ARAP2: variants seen among roughly 807,000 people sequenced by gnomAD.
The protein encoded by ARAP2 is ArfGAP with RhoGAP domain, ankyrin repeat and PH domain 2.
A neutral mutation model predicts 194.5 loss-of-function variants in ARAP2; 148 were observed. That is an observed-to-expected ratio of 0.76 (90% CI 0.67 to 0.87). The LOEUF is 0.87. ARAP2 is among the 40% of genes least tolerant of loss of function. The pLI, the probability that ARAP2 is intolerant of heterozygous loss-of-function variation, is 0.00. For synonymous variants in ARAP2, 695 were observed against 683.5 expected (o/e 1.02, Z -0.26); for missense variants, 2,128 against 1,989.7 (o/e 1.07, Z -1.32).
At chr4:36,219,113 C>T (rs1394085702) in intron 2 of ARAP2, among the ~76,000 whole-genome samples, 1 of 152,180 alleles carries the variant, frequency 6.6e-6, no homozygotes, top group African/African-American at 2.4e-5. Flanking sequence ...TGCACATACA[C>T]TGTTGATGGT....
intron 6 of ARAP2, among the ~76,000 whole-genome samples, chr4:36,204,664 G>C (rs944156912): frequency 6.6e-6 from 1 of 152,092 alleles, no homozygotes; most frequent in African/African-American, 2.4e-5. Context: ...TGTTGAGGAA[G>C]AATTTTCAGA....
At chr4:36,189,475 C>G (rs1424694262) in intron 7 of ARAP2, among the ~76,000 whole-genome samples, 1 of 152,162 alleles carries the variant, frequency 6.6e-6, no homozygotes, top group Non-Finnish European at 1.5e-5. Context: ...CTACAGTCAT[C>G]CTACAGTGCT....
chr4:36,243,065 G>C (rs1284838613), intron 1 of ARAP2, among the ~76,000 whole-genome samples: 1 of 151,096 alleles, frequency 6.6e-6, no homozygotes, highest in East Asian at 1.9e-4. Flanking sequence ...TATTTCTCCT[G>C]TAAGTGTATG....
At chr4:36,238,656 C>T (rs1176189046) in intron 1 of ARAP2, among the ~76,000 whole-genome samples, 1 of 152,164 alleles carries the variant, frequency 6.6e-6, no homozygotes, top group Non-Finnish European at 1.5e-5. Flanking sequence ...TGTCCATGTA[C>T]GTGGCTAAAC....
intron 1 of ARAP2, among the ~76,000 whole-genome samples, chr4:36,231,206 C>G (rs1408929310): frequency 6.6e-6 from 1 of 152,002 alleles, no homozygotes; most frequent in African/African-American, 2.4e-5. Flanking sequence ...TGTGAGGGTG[C>G]GTGCCTGTAA....
At chr4:36,043,218 T>C (rs982141198) in intron 5 of ARAP2, among the ~76,000 whole-genome samples, 5 of 152,194 alleles carry the variant, frequency 3.3e-5, no homozygotes, top group African/African-American at 1.2e-4. Context: ...ATCATACCCA[T>C]GGTTAAGTAG....
At chr4:36,176,439 CAG>C (rs1312587189) in intron 9 of ARAP2, among the ~76,000 whole-genome samples, 1 of 152,086 alleles carries the variant, frequency 6.6e-6, no homozygotes, top group African/African-American at 2.4e-5. Context: ...TAGAGAATAA[CAG>C]AAACTCAGAC....
Position 36,068,085 on chromosome 4 carries a change from C to A in ARAP2, c.4937G>T (p.Gly1646Val), listed in dbSNP as rs759514696. ...TAGGCCTTTATGGCCTTTTGGTTGCCCAAGTGGGGCTTCAGGCTCTGTGTC... is the reference window on the plus strand; with the variant it reads ...TAGGCCTTTATGGCCTTTTGGTTGCACAAGTGGGGCTTCAGGCTCTGTGTC... ...LEDTEPEAPL[G>V]QPKGHKGLKT... is the part of the protein sequence containing the mutation. The change falls in exon 33 of 33, where the codon GGG becomes GTG. Residue 1646 changes from glycine to valine, a missense_variant. Transcript: ENST00000303965. The A allele has an allele frequency of 4.3e-6, 7 of 1,613,950 alleles. No individual in the cohort carries two copies. Among genetic ancestry groups the A allele is most frequent in the Non-Finnish European group, 5.1e-6 (6 of 1,179,982 alleles).
chr4:36,014,253 G>GAAAGAAAGAAAGAAAGAAAGAAAGA (rs1715167547), intron 8 of ARAP2, among the ~76,000 whole-genome samples: 1 of 130,892 alleles, frequency 7.6e-6, no homozygotes, highest in African/African-American at 3.0e-5. Flanking sequence ...AAGAAAGAAA[G>GAAAGAAAGAAAGAAAGAAAGAAAGA]AAAGAAAGAA....
rs112992792 is a variant in ARAP2 at position 36,199,323 on chromosome 4, A to G, written c.1488-5676T>C. On this transcript the variant is annotated intron_variant, in intron 6 of 32. Transcript: ENST00000303965. ...AAAATTTTTTTTGAGGTGGAGTCTC[A>G]CTCTGTCACCCAAGCGGGAGTGCAG... is the stretch of plus-strand genomic sequence containing the variant. 6.9e-3 allele frequency among the ~76,000 whole-genome samples: 1,056 copies of G among 152,258 alleles called. 16 individuals carry two copies. The highest frequency in any genetic ancestry group is 0.024 in the African/African-American group (1,004 of 41,548).
At chr4:36,070,334 T>C (rs182971016) in intron 32 of ARAP2, among the ~76,000 whole-genome samples, 26 of 152,276 alleles carry the variant, frequency 1.7e-4, no homozygotes, top group Admixed American at 5.2e-4. Flanking sequence ...AAGAAAGTCA[T>C]AGTTTATACA....
At chr4:36,223,010 T>C (rs1288731717) in intron 2 of ARAP2, among the ~76,000 whole-genome samples, 2 of 151,984 alleles carry the variant, frequency 1.3e-5, no homozygotes, top group African/African-American at 4.8e-5. Context: ...TTCCCCTCAG[T>C]GCTTTGGACC....
chr4:36,104,450 A>G (rs1717840979), intron 27 of ARAP2, among the ~76,000 whole-genome samples: 1 of 151,952 alleles, frequency 6.6e-6, no homozygotes, highest in South Asian at 2.1e-4. Flanking sequence ...ATAACTCTGG[A>G]GTAGGTAGTC....
intron 6 of ARAP2, among the ~76,000 whole-genome samples, chr4:36,195,117 C>T (rs116551374): frequency 2.6e-5 from 4 of 152,046 alleles, no homozygotes; most frequent in Non-Finnish European, 4.4e-5. Context: ...CAGTGAGTTA[C>T]GACTGCACCA....
intron 9 of ARAP2, among the ~76,000 whole-genome samples, chr4:36,169,439 A>G (rs1736050114): frequency 6.6e-6 from 1 of 152,180 alleles, no homozygotes; most frequent in Non-Finnish European, 1.5e-5. Flanking sequence ...AGAAAGTCAT[A>G]AAATGTCCAC....
chr4:36,112,111 A>G (rs1720142559), intron 26 of ARAP2, among the ~76,000 whole-genome samples: 1 of 151,966 alleles, frequency 6.6e-6, no homozygotes, highest in African/African-American at 2.4e-5. Flanking sequence ...CATCTATACC[A>G]GGAACCACAA....
downstream of ARAP2, among the ~76,000 whole-genome samples, chr4:36,062,297 T>C (rs1253128244): frequency 6.6e-6 from 1 of 152,180 alleles, no homozygotes; most frequent in African/African-American, 2.4e-5. Context: ...TGGTGTTGAT[T>C]CAAGACCGTA....
At chr4:36,205,902 A>C (rs1745437931) in intron 6 of ARAP2, among the ~76,000 whole-genome samples, 1 of 152,222 alleles carries the variant, frequency 6.6e-6, no homozygotes, top group Non-Finnish European at 1.5e-5. Flanking sequence ...TCCTTGGCAC[A>C]ATGTTTACAA....
intron 2 of ARAP2, among the ~76,000 whole-genome samples, chr4:36,218,668 G>A (rs1196625054): frequency 6.6e-6 from 1 of 152,144 alleles, no homozygotes; most frequent in Non-Finnish European, 1.5e-5. Flanking sequence ...ATATTTTTAT[G>A]TGTCCTAAGA....
Sources: allele counts gnomAD v4.1 joint callset (sites outside exome capture counted in the v4.1 genomes callset), GRCh38; gene constraint gnomAD v4.1.1; transcripts MANE v1.5; gene names NCBI Gene and HGNC (gene_info 2026-07-23, HGNC 2026-07-21).